The following VTI1A variants were observed in gnomAD, a reference collection of about 807,000 sequenced individuals.
VTI1A encodes vesicle transport through interaction with t-SNAREs 1A.
Under a neutral mutation model 34.9 loss-of-function variants are expected in VTI1A, and 22 were observed. That is an observed-to-expected ratio of 0.63 (90% CI 0.45 to 0.90). VTI1A has a LOEUF of 0.90. VTI1A is among the 40% of genes least tolerant of loss of function. VTI1A has a pLI of 0.00. For synonymous variants in VTI1A, 87 were observed against 97.3 expected (o/e 0.89, Z 0.62); for missense variants, 268 against 275.6 (o/e 0.97, Z 0.20).
downstream of VTI1A, among the ~76,000 whole-genome samples, chr10:112,821,039 A>G (rs533268069): frequency 6.6e-6 from 1 of 152,232 alleles, no homozygotes; most frequent in East Asian, 1.9e-4. Flanking sequence ...CTGGGCTCCC[A>G]GTGTGCCATG....
At chr10:112,838,946 G>A in the VTI1A span, among the ~76,000 whole-genome samples, 1 of 152,192 alleles carries the variant, frequency 6.6e-6, no homozygotes, top group African/African-American at 2.4e-5. Context: ...AGTCAGTCCC[G>A]CAGCCTGCAG....
intron 3 of VTI1A, among the ~76,000 whole-genome samples, chr10:112,512,028 A>G (rs1212182933): frequency 6.6e-6 from 1 of 152,166 alleles, no homozygotes; most frequent in Non-Finnish European, 1.5e-5. Flanking sequence ...TAAACATGCT[A>G]GTGCAGGTAT....
At chr10:112,596,502 G>A (rs1844652850) in intron 5 of VTI1A, among the ~76,000 whole-genome samples, 1 of 152,004 alleles carries the variant, frequency 6.6e-6, no homozygotes, top group Non-Finnish European at 1.5e-5. Context: ...TATTGCAGTA[G>A]GGATAGTTAT....
intron 5 of VTI1A, among the ~76,000 whole-genome samples, chr10:112,632,211 C>G: frequency 6.6e-6 from 1 of 152,172 alleles, no homozygotes; most frequent in East Asian, 1.9e-4. Flanking sequence ...TTACAACACT[C>G]CCTGATCCTG....
At chr10:112,460,697 A>G in intron 2 of VTI1A, 115 bp downstream of exon 2, 1 of 748,068 alleles carries the variant, frequency 1.3e-6, no homozygotes, top group East Asian at 3.3e-5. Flanking sequence ...TTAGCATTTT[A>G]TAATTCAGAA....
intron 5 of VTI1A, among the ~76,000 whole-genome samples, chr10:112,641,863 C>A (rs1407076646): frequency 6.6e-6 from 1 of 152,112 alleles, no homozygotes; most frequent in Non-Finnish European, 1.5e-5. Context: ...CCTGCACTTG[C>A]GCTTGTCTTT....
rs1852006266 is a variant in VTI1A at position 112,778,120 on chromosome 10, A to G, written c.561-37170A>G. On this transcript the variant is annotated intron_variant, in intron 7 of 7. Coordinates refer to ENST00000393077, the MANE Select transcript of VTI1A (RefSeq NM_145206.4). ...TCCATCTCAAAAAAAGGAAAAAAAA[A>G]AGTGTATTGGTGATAGCAAGTTCCG... Among the ~76,000 whole-genome samples the G allele has an allele frequency of 2.0e-5, 3 of 152,300 alleles. No homozygotes were observed. In the South Asian group the frequency reaches 6.2e-4, roughly 32 times the overall value.
intron 7 of VTI1A, among the ~76,000 whole-genome samples, chr10:112,694,431 A>G (rs1848713183): frequency 6.6e-6 from 1 of 152,030 alleles, no homozygotes; most frequent in Admixed American, 6.6e-5. Context: ...TAATGAATAA[A>G]AGAACAGACG....
chr10:112,472,375 CT>C (rs1848121068), intron 3 of VTI1A, among the ~76,000 whole-genome samples: 1 of 152,194 alleles, frequency 6.6e-6, no homozygotes, highest in Non-Finnish European at 1.5e-5. Context: ...AGAAATCCAA[CT>C]ACCTGCAGAC....
At chr10:112,490,945 C>T (rs1328819618) in intron 3 of VTI1A, among the ~76,000 whole-genome samples, 2 of 152,002 alleles carry the variant, frequency 1.3e-5, no homozygotes, top group Non-Finnish European at 2.9e-5. Flanking sequence ...GTTTCAACCC[C>T]CCTGCCCACC....
chr10:112,510,084 GA>G (rs1849555845), intron 3 of VTI1A, among the ~76,000 whole-genome samples: 1 of 152,160 alleles, frequency 6.6e-6, no homozygotes, highest in Non-Finnish European at 1.5e-5. Context: ...GTCAAAATTA[GA>G]CAGATCAGCA....
At chr10:112,455,478 T>C (rs1256457831) in intron 1 of VTI1A, among the ~76,000 whole-genome samples, 2 of 33,318 alleles carry the variant, frequency 6.0e-5, no homozygotes, top group Non-Finnish European at 1.1e-4. Flanking sequence ...CCTCCTTCCT[T>C]CCTCCCTCCC....
intron 7 of VTI1A, among the ~76,000 whole-genome samples, chr10:112,732,958 A>G (rs935712508): frequency 1.3e-5 from 2 of 152,160 alleles, no homozygotes; most frequent in Non-Finnish European, 2.9e-5. Context: ...CATACCTCCA[A>G]TTCCAAGGCT....
chr10:112,467,662 A>G (rs1847941662), intron 3 of VTI1A, among the ~76,000 whole-genome samples: 1 of 152,234 alleles, frequency 6.6e-6, no homozygotes, highest in Admixed American at 6.5e-5. Context: ...GTTAGGAAAC[A>G]TCTTTCACCA....
At chr10:112,734,462 G>C (rs1850383708) in intron 7 of VTI1A, among the ~76,000 whole-genome samples, 1 of 151,982 alleles carries the variant, frequency 6.6e-6, no homozygotes, top group Admixed American at 6.5e-5. Flanking sequence ...CCATTAATCA[G>C]AGTGAATTCC....
chr10:112,757,045 CAAA>C (rs35767517), intron 7 of VTI1A, among the ~76,000 whole-genome samples: 20 of 131,676 alleles, frequency 1.5e-4, no homozygotes, highest in Non-Finnish European at 1.7e-4. Context: ...GACCTTGCCT[CAAA>C]AAAAAAAAAA....
intron 5 of VTI1A, among the ~76,000 whole-genome samples, chr10:112,595,380 C>A (rs1844588871): frequency 6.6e-6 from 1 of 150,484 alleles, no homozygotes; most frequent in African/African-American, 2.4e-5. Context: ...AGGCAACCTA[C>A]AAAATGGGAG....
chr10:112,569,332 C>T (rs759168865), intron 5 of VTI1A, among the ~76,000 whole-genome samples: 4 of 152,080 alleles, frequency 2.6e-5, no homozygotes, highest in Non-Finnish European at 4.4e-5. Context: ...CTGTTTTTCC[C>T]ATTTTGCAAA....
chr10:112,689,622 C>T (rs1454553184), intron 7 of VTI1A, among the ~76,000 whole-genome samples: 1 of 152,154 alleles, frequency 6.6e-6, no homozygotes, highest in East Asian at 1.9e-4. Flanking sequence ...TGATGGATGA[C>T]TTTTTGTCAT....
Sources: gnomAD v4.1 joint callset for allele counts (sites outside exome capture counted in the v4.1 genomes callset) on GRCh38, gnomAD v4.1.1 for gene constraint, MANE v1.5 for transcripts, NCBI Gene and HGNC (gene_info 2026-07-23, HGNC 2026-07-21) for gene names.